SHROOM4: variants seen among roughly 807,000 people sequenced by gnomAD.
SHROOM4 encodes shroom family member 4.
In SHROOM4, 17 loss-of-function variants were observed where a neutral mutation model predicts 80.3. That is an observed-to-expected ratio of 0.21 (90% CI 0.14 to 0.32). The LOEUF (loss-of-function observed/expected upper bound fraction) is 0.32. SHROOM4 is among the 10% of genes least tolerant of loss of function. SHROOM4 has a pLI of 1.00. For synonymous variants in SHROOM4, 400 were observed against 437.5 expected (o/e 0.91, Z 1.07); for missense variants, 993 against 1,140.3 (o/e 0.87, Z 1.86).
At chrX:50,766,872 G>T (rs1407417129) in intron 1 of SHROOM4, among the ~76,000 whole-genome samples, 1 of 111,352 alleles carries the variant, frequency 9.0e-6, no homozygotes, top group Admixed American at 9.6e-5. Context: ...AATATATAAG[G>T]TCATTACCCA....
chrX:50,661,129 C>T lies in SHROOM4; in HGVS notation c.270-22821G>A, dbSNP rs1478703498. On this transcript the variant is annotated intron_variant, in intron 2 of 8. Coordinates refer to ENST00000376020, the MANE Select transcript of SHROOM4 (RefSeq NM_020717.5). Reference sequence around the variant, plus strand: ...CTTTGGATTTTATTTTTGTATTTTTCGGGTGCTTTAAATTTCAACTTTCGT... The same window carrying T: ...CTTTGGATTTTATTTTTGTATTTTTTGGGTGCTTTAAATTTCAACTTTCGT... 6.3e-5 allele frequency among the ~76,000 whole-genome samples: 7 copies of T among 111,131 alleles called. No individual in the cohort carries two copies. In the East Asian group the frequency reaches 1.1e-3, roughly 18 times the overall value.
At chrX:50,714,718 A>G (rs1199120080) in intron 1 of SHROOM4, among the ~76,000 whole-genome samples, 1 of 112,187 alleles carries the variant, frequency 8.9e-6, no homozygotes, top group Admixed American at 9.5e-5. Flanking sequence ...GGAGAGTGCA[A>G]CTTTTAATGA....
At chrX:50,718,545 A>G (rs1273147026) in intron 1 of SHROOM4, among the ~76,000 whole-genome samples, 2 of 110,531 alleles carry the variant, frequency 1.8e-5, no homozygotes, top group Non-Finnish European at 3.8e-5. Context: ...AAGTGTGGTC[A>G]TATCAGTGAA....
chrX:50,784,286 A>G (rs782807113), intron 1 of SHROOM4, among the ~76,000 whole-genome samples: 3 of 111,620 alleles, frequency 2.7e-5, no homozygotes, highest in Admixed American at 9.5e-5. Context: ...GGTAGGCACT[A>G]CTACACCCAG....
intron 7 of SHROOM4, among the ~76,000 whole-genome samples, chrX:50,600,454 A>G (rs978728634): frequency 8.9e-6 from 1 of 111,891 alleles, no homozygotes. Context: ...CTGCACGTCA[A>G]TTTCCACATC....
rs781908706 is a variant in SHROOM4, at chrX:50,610,985, T to G, written c.2958-2801A>C. 3.6e-5 allele frequency among the ~76,000 whole-genome samples: 4 copies of G among 111,061 alleles called. No individual in the cohort carries two copies. The South Asian group carries it at 1.5e-3, about 43-fold the overall frequency. Reference sequence around the variant, plus strand: ...CTAAGATAATGAGAAAATCTAAATTTCTTCATATACTGAAACAGACTGTAT... The same window carrying G: ...CTAAGATAATGAGAAAATCTAAATTGCTTCATATACTGAAACAGACTGTAT... On this transcript the variant is annotated intron_variant, in intron 5 of 8. Coordinates refer to ENST00000376020, the MANE Select transcript of SHROOM4 (RefSeq NM_020717.5).
intron 1 of SHROOM4, among the ~76,000 whole-genome samples, chrX:50,734,479 T>A (rs782221527): frequency 0.1 from 11,038 of 110,880 alleles, 606 homozygotes; most frequent in Non-Finnish European, 0.15. Flanking sequence ...AGTGGTGCAA[T>A]CTCGGCTCAC....
In SHROOM4 at chrX:50,633,754, T is replaced by C. The variant is rs782689534; in HGVS notation, c.2319A>G (p.Arg773=). The C allele has an allele frequency of 8.3e-6, 10 of 1,210,809 alleles. No individual in the cohort carries two copies. The highest frequency in any genetic ancestry group is 1.1e-5 in the Non-Finnish European group (10 of 895,440). ...TGCTACTCTCTTCAAAGAACTTTCT[T>C]CTGTCTGCAAAAGGCAAGAGGATGG... ...EDAILLPFAD[R]RKFFEESSKS... Residue 773 remains arginine (R), a synonymous_variant, in exon 4 of 9, where the codon AGA becomes AGG. Coordinates refer to ENST00000376020, the MANE Select transcript of SHROOM4 (RefSeq NM_020717.5).
At position 50,590,707 on chromosome X, in the gene SHROOM4, A is replaced by G. The variant is rs1928855949; in HGVS notation, c.*5988T>C. Among the ~76,000 whole-genome samples the G allele has an allele frequency of 8.9e-6, 1 of 112,271 alleles. No individual in the cohort carries two copies. The highest frequency in any genetic ancestry group is 3.2e-5 in the African/African-American group (1 of 30,899). On this transcript the variant is annotated 3_prime_UTR_variant, in exon 9 of 9. Coordinates refer to ENST00000376020, the MANE Select transcript of SHROOM4 (RefSeq NM_020717.5). ...TGAGAAATAAATGTTATTTAAGACA[A>G]TCAGTCTATGGTAGTATGTTATAGC...
chrX:50,700,667 CTAACT>C lies in SHROOM4; in HGVS notation c.118-4735_118-4731del, dbSNP rs1173733118. The stretch of plus-strand genomic sequence containing the variant: ...GTCTTCTTGCCATGGCTTTCAATAC[CTAACT>C]TGTCTCTTTCAGCAACTTCTTCCCT... On this transcript the variant is annotated intron_variant, in intron 1 of 8. Transcript: ENST00000376020. Among the ~76,000 whole-genome samples, 4 of 111,562 alleles carry C rather than the reference CTAACT, an allele frequency of 3.6e-5. No homozygotes were observed. In the East Asian group the frequency reaches 1.1e-3, roughly 31 times the overall value.
chrX:50,717,271 G>C (rs782465527), intron 1 of SHROOM4, among the ~76,000 whole-genome samples: 1 of 111,930 alleles, frequency 8.9e-6, no homozygotes, highest in African/African-American at 3.2e-5. Flanking sequence ...AGGCTGCAGT[G>C]CATTGGTGCG....
At chrX:50,631,159 C>G (rs1214694207) in intron 4 of SHROOM4, among the ~76,000 whole-genome samples, 1 of 111,180 alleles carries the variant, frequency 9.0e-6, no homozygotes, top group East Asian at 2.8e-4. Flanking sequence ...AAAATATTAG[C>G]AAATCTAGTA....
At chrX:50,582,662 A>G (rs1557244372), downstream of SHROOM4, among the ~76,000 whole-genome samples, 1 of 112,325 alleles carries the variant, frequency 8.9e-6, no homozygotes, top group Non-Finnish European at 1.9e-5. Context: ...AAATTCCCAA[A>G]TAAGATTTTT....
At chrX:50,660,889 T>C (rs1932486391) in intron 2 of SHROOM4, among the ~76,000 whole-genome samples, 1 of 110,097 alleles carries the variant, frequency 9.1e-6, no homozygotes, top group African/African-American at 3.3e-5. Context: ...AATGTTGGAA[T>C]TACAGGCATG....
intron 1 of SHROOM4, among the ~76,000 whole-genome samples, chrX:50,797,937 T>G (rs1936048606): frequency 9.0e-6 from 1 of 111,381 alleles, no homozygotes; most frequent in Non-Finnish European, 1.9e-5. Flanking sequence ...TGAAGAAAGA[T>G]GTACCCATTT....
At position 50,679,968 on chromosome X, in the gene SHROOM4, G is replaced by A. The variant is rs148698568; in HGVS notation, c.269+15818C>T. Among the ~76,000 whole-genome samples, 818 of 111,593 alleles carry A rather than the reference G, an allele frequency of 7.3e-3. 9 individuals are homozygous for A. Among genetic ancestry groups the A allele is most frequent in the African/African-American group, 0.025 (779 of 30,778 alleles). ...TTCTTTTATGAAACAATCCATTCAG[G>A]CTTTTGTCTCTGGGTTGCCAATGAC... On this transcript the variant is annotated intron_variant, in intron 2 of 8. Coordinates refer to ENST00000376020, the MANE Select transcript of SHROOM4 (RefSeq NM_020717.5).
At position 50,648,056 on chromosome X, in the gene SHROOM4, A is replaced by T. The variant is rs782741335; in HGVS notation, c.270-9748T>A. Among the ~76,000 whole-genome samples, 3 of 112,152 alleles carry T rather than the reference A, an allele frequency of 2.7e-5. No individual in the cohort carries two copies. The East Asian group carries it at 8.4e-4, about 32-fold the overall frequency. ...TTAAGCAGGGGACTAACATGATGTA[A>T]GTTTTATAAAGGTTTGACTTGGCTG... On this transcript the variant is annotated intron_variant, in intron 2 of 8. Coordinates refer to ENST00000376020, the MANE Select transcript of SHROOM4 (RefSeq NM_020717.5).
intron 1 of SHROOM4, among the ~76,000 whole-genome samples, chrX:50,736,645 G>A (rs781908938): frequency 2.7e-5 from 3 of 111,982 alleles, no homozygotes; most frequent in Non-Finnish European, 3.8e-5. Context: ...CCAGTCTATC[G>A]CTGATGGGCA....
At chrX:50,694,384 A>G (rs782551041) in intron 2 of SHROOM4, among the ~76,000 whole-genome samples, 14 of 105,278 alleles carry the variant, frequency 1.3e-4, no homozygotes, top group Non-Finnish European at 2.2e-4. Flanking sequence ...TTTTTTTTTT[A>G]ATAAAAACCA....
Sources: allele counts gnomAD v4.1 joint callset (sites outside exome capture counted in the v4.1 genomes callset), GRCh38; gene constraint gnomAD v4.1.1; transcripts MANE v1.5; gene names NCBI Gene and HGNC (gene_info 2026-07-23, HGNC 2026-07-21).